Variants in MAGI1 observed in about 807,000 individuals in gnomAD.
The protein encoded by MAGI1 is membrane associated guanylate kinase, WW and PDZ domain containing 1, also known as membrane-associated guanylate kinase, WW and PDZ domain-containing protein 1.
MAGI1 carries 58 observed loss-of-function variants against 139.9 expected under a neutral mutation model. The observed-to-expected ratio is 0.41, with a 90% CI of 0.34 to 0.52. MAGI1 has a LOEUF of 0.52. Ranked by LOEUF, MAGI1 falls within the 20% of genes least tolerant of loss-of-function variation. MAGI1 has a pLI of 0.12. For missense variants in MAGI1, 1,874 were observed against 1,901.6 expected (o/e 0.99, Z 0.27); for synonymous variants, 812 against 737.9 (o/e 1.10, Z -1.63).
At chr3:65,825,984 C>A (rs532047432) in intron 1 of MAGI1, among the ~76,000 whole-genome samples, 1 of 151,990 alleles carries the variant, frequency 6.6e-6, no homozygotes, top group South Asian at 2.1e-4. Context: ...AAGATTCTGA[C>A]TCAAAAAATA....
intron 1 of MAGI1, among the ~76,000 whole-genome samples, chr3:65,746,354 A>C (rs2035708045): frequency 6.6e-6 from 1 of 152,158 alleles, no homozygotes; most frequent in Non-Finnish European, 1.5e-5. Context: ...AATTCAATGC[A>C]TATTTTTCCC....
rs564748592 is a variant in MAGI1, at chr3:66,017,668, G to A, written c.313+20328C>T. ...CTTCACAGCACGTGCTAAGGATGAA[G>A]GATGGTGCACGTGTGGCCCTCAGTG... On this transcript the variant is annotated intron_variant, in intron 1 of 22. Transcript: ENST00000402939. Among the ~76,000 whole-genome samples the A allele has an allele frequency of 2.6e-5, 4 of 152,332 alleles. No homozygotes were observed. The East Asian group carries it at 7.7e-4, about 29-fold the overall frequency.
chr3:65,590,682 C>T (rs1433672075), intron 2 of MAGI1, among the ~76,000 whole-genome samples: 1 of 152,152 alleles, frequency 6.6e-6, no homozygotes, highest in Non-Finnish European at 1.5e-5. Context: ...GCTAAGTCCT[C>T]AAGCAATTAG....
chr3:65,900,895 T>C (rs2061201565), intron 1 of MAGI1, among the ~76,000 whole-genome samples: 1 of 152,112 alleles, frequency 6.6e-6, no homozygotes, highest in Non-Finnish European at 1.5e-5. Context: ...GGAAGAAGTA[T>C]ATGCTAGGAG....
At position 65,402,533 on chromosome 3, in the gene MAGI1, T is replaced by G. The variant is rs72626920; in HGVS notation, c.2168-1063A>C. ...TTTTTTCTTTGGGCAGGAGTTAGAATGCAAAATACAGATTCTATCTGTATA... is the reference window on the plus strand; with the variant it reads ...TTTTTTCTTTGGGCAGGAGTTAGAAGGCAAAATACAGATTCTATCTGTATA... On this transcript the variant is annotated intron_variant, in intron 12 of 22. Transcript: ENST00000402939. Among the ~76,000 whole-genome samples the G allele has an allele frequency of 2.1e-3, 315 of 152,322 alleles. 8 individuals are homozygous for G. In the East Asian group the frequency reaches 0.044, roughly 21 times the overall value.
chr3:65,994,218 G>C (rs912582645), intron 1 of MAGI1, among the ~76,000 whole-genome samples: 1 of 141,352 alleles, frequency 7.1e-6, no homozygotes, highest in African/African-American at 2.7e-5. Flanking sequence ...AGGTTGCAAT[G>C]AGCCGAGATC....
intron 1 of MAGI1, among the ~76,000 whole-genome samples, chr3:65,878,601 G>A (rs889332239): frequency 6.6e-6 from 1 of 151,162 alleles, no homozygotes; most frequent in Non-Finnish European, 1.5e-5. Context: ...TACCATCCTC[G>A]AATAAGTGTT....
chr3:65,536,720 T>A (rs529607884), intron 2 of MAGI1, among the ~76,000 whole-genome samples: 1 of 152,142 alleles, frequency 6.6e-6, no homozygotes, highest in Non-Finnish European at 1.5e-5. Context: ...AGATTCAATC[T>A]TGGGACATTG....
chr3:65,502,236 C>G (rs1258764865), intron 2 of MAGI1, among the ~76,000 whole-genome samples: 2 of 152,168 alleles, frequency 1.3e-5, no homozygotes, highest in South Asian at 2.1e-4. Flanking sequence ...CAGTAAGTAA[C>G]TAAAAATAAA....
chr3:65,884,521 C>CTGGTGGG (rs2060457595), intron 1 of MAGI1, among the ~76,000 whole-genome samples: 2 of 152,166 alleles, frequency 1.3e-5, no homozygotes, highest in African/African-American at 4.8e-5. Flanking sequence ...AACTTGAATC[C>CTGGTGGG]ATTTTCTAAC....
chr3:65,752,654 A>G (rs2036245377), intron 1 of MAGI1, among the ~76,000 whole-genome samples: 1 of 152,164 alleles, frequency 6.6e-6, no homozygotes. Context: ...AAGACTCTCT[A>G]CTTGATCAAA....
chr3:65,939,777 G>T (rs1249037642), intron 1 of MAGI1, among the ~76,000 whole-genome samples: 1 of 152,132 alleles, frequency 6.6e-6, no homozygotes, highest in Non-Finnish European at 1.5e-5. Context: ...TCTCATGAGG[G>T]TTTGAGTCTA....
chr3:65,505,341 G>C (rs1209018272), intron 2 of MAGI1, among the ~76,000 whole-genome samples: 1 of 151,502 alleles, frequency 6.6e-6, no homozygotes, highest in Non-Finnish European at 1.5e-5. Flanking sequence ...ACTTTGCATG[G>C]TTAATGCTAA....
chr3:65,890,703 A>G (rs747588157), intron 1 of MAGI1, among the ~76,000 whole-genome samples: 4 of 152,248 alleles, frequency 2.6e-5, no homozygotes, highest in Non-Finnish European at 5.9e-5. Flanking sequence ...TATAAGAGGT[A>G]CAAGTTGAGA....
At chr3:65,859,218 A>G (rs372100969) in intron 1 of MAGI1, among the ~76,000 whole-genome samples, 1 of 152,172 alleles carries the variant, frequency 6.6e-6, no homozygotes, top group African/African-American at 2.4e-5. Flanking sequence ...CTGTAATCCC[A>G]GCTACTCAGG....
intron 1 of MAGI1, among the ~76,000 whole-genome samples, chr3:65,800,067 G>A (rs2040417592): frequency 1.3e-5 from 2 of 152,284 alleles, no homozygotes; most frequent in South Asian, 4.1e-4. Context: ...AATGGCGTTG[G>A]GCATGTTACT....
intron 1 of MAGI1, among the ~76,000 whole-genome samples, chr3:65,957,704 G>A (rs1285239591): frequency 6.6e-6 from 1 of 152,058 alleles, no homozygotes; most frequent in East Asian, 1.9e-4. Flanking sequence ...ATGGTTACCA[G>A]GGAGCGAGCC....
In MAGI1 at chr3:65,757,961, C is replaced by G. The variant is rs570782343; in HGVS notation, c.314-135873G>C. ...AGAGAGATACTTTAGAGCATTTCTT[C>G]TCTTTCCAGAAACTTCCTTCAGGAA... On this transcript the variant is annotated intron_variant, in intron 1 of 22. Coordinates refer to ENST00000402939, the MANE Select transcript of MAGI1 (RefSeq NM_001033057.2). 5.9e-5 allele frequency among the ~76,000 whole-genome samples: 9 copies of G among 152,320 alleles called. No homozygotes were observed. The South Asian group carries it at 1.9e-3, about 32-fold the overall frequency.
At chr3:66,011,025 C>A (rs1333949573) in intron 1 of MAGI1, among the ~76,000 whole-genome samples, 2 of 152,194 alleles carry the variant, frequency 1.3e-5, no homozygotes, top group East Asian at 3.9e-4. Context: ...TCCCAGGGAA[C>A]TGGAGGGACA....
Sources: allele counts gnomAD v4.1 joint callset (sites outside exome capture counted in the v4.1 genomes callset), GRCh38; gene constraint gnomAD v4.1.1; transcripts MANE v1.5; gene names NCBI Gene and HGNC (gene_info 2026-07-23, HGNC 2026-07-21).